NUBP1: variants seen among roughly 807,000 people sequenced by gnomAD.
NUBP1 encodes the protein cytosolic Fe-S cluster assembly factor NUBP1.
In NUBP1, 46 loss-of-function variants were observed where a neutral mutation model predicts 41.8. That is an observed-to-expected ratio of 1.10 (90% CI 0.87 to 1.41). The LOEUF is 1.41. Ranked by LOEUF, NUBP1 falls within the 40% of genes most tolerant of loss-of-function variation. The pLI, the probability that NUBP1 is intolerant of heterozygous loss-of-function variation, is 0.00. For synonymous variants in NUBP1, 189 were observed against 154.6 expected (o/e 1.22, Z -1.65); for missense variants, 494 against 414.0 (o/e 1.19, Z -1.68).
intron 3 of NUBP1, among the ~76,000 whole-genome samples, chr16:10,751,422 AGTGCTGGTCT>A (rs1334359282): frequency 1.3e-5 from 2 of 152,190 alleles, no homozygotes; most frequent in Non-Finnish European, 2.9e-5. Flanking sequence ...ACCTGAGGCC[AGTGCTGGTCT>A]GTGGATGGCG....
At chr16:10,755,887 G>C in intron 5 of NUBP1, 134 bp downstream of exon 5, 1 of 775,200 alleles carries the variant, frequency 1.3e-6, no homozygotes, top group Admixed American at 2.5e-5. Flanking sequence ...TAAAACCAGT[G>C]ATTGGCAGGC....
intron 5 of NUBP1, 84 bp from the exon 6 acceptor site, chr16:10,756,606 A>C: frequency 1.0e-6 from 1 of 971,836 alleles, no homozygotes; most frequent in South Asian, 1.9e-5. Context: ...TTTCAGTCAG[A>C]GCTCAAACAG....
At chr16:10,755,629 C>A in intron 4 of NUBP1, 92 bp from the exon 5 acceptor site, 2 of 1,313,172 alleles carry the variant, frequency 1.5e-6, no homozygotes, top group Non-Finnish European at 2.2e-6. Context: ...TTTAAAAAAC[C>A]ATCGTCTTAC....
chr16:10,755,729 G>C lies in NUBP1; in HGVS notation c.336G>C (p.Gln112His), dbSNP rs563910509. Residue 112 changes from glutamine (Q) to histidine (H), a missense_variant, in exon 5 of 11, where the codon CAG becomes CAC. Gln to His is a conservative substitution (Grantham distance 24). Coordinates refer to ENST00000283027, the MANE Select transcript of NUBP1 (RefSeq NM_002484.4). The stretch of plus-strand genomic sequence containing the variant: ...TGCTCATGTTCACACAGGTTCACCA[G>C]AGTGGCTCAGGCTGGTCTCCAGTGG... Reference protein sequence around the residue: ...IMGLEGEQVHQSGSGWSPVYV... With the variant: ...IMGLEGEQVHHSGSGWSPVYV... 2 of 1,614,206 alleles carry C rather than the reference G, an allele frequency of 1.2e-6. No individual in the cohort carries two copies. The highest frequency in any genetic ancestry group is 2.2e-5 in the East Asian group (1 of 44,892).
chr16:10,757,523 G>C lies in NUBP1; in HGVS notation c.452-350G>C, dbSNP rs1900639199. 6.6e-6 allele frequency among the ~76,000 whole-genome samples: 1 copy of C among 152,150 alleles called. No individual in the cohort carries two copies. Among genetic ancestry groups the C allele is most frequent in the Admixed American group, 6.5e-5 (1 of 15,280 alleles). ...GTTCTACACCATAGGGTGTTAAACA[G>C]TGTCCCTGGCCTTTACCCACAAGAT... On this transcript the variant is annotated intron_variant, in intron 6 of 10. Transcript: ENST00000283027. This position sits in a 1 kb window ranked among gnomAD's most constrained non-coding sequence, Gnocchi z 4.1.
At chr16:10,744,754 C>CT (rs200267003) in intron 2 of NUBP1, among the ~76,000 whole-genome samples, 1 of 151,630 alleles carries the variant, frequency 6.6e-6, no homozygotes, top group Non-Finnish European at 1.5e-5. Flanking sequence ...ATTTTTTTTT[C>CT]TTTTTTTTCC....
chr16:10,755,321 G>A (rs1047414818), intron 4 of NUBP1, among the ~76,000 whole-genome samples: 9 of 152,156 alleles, frequency 5.9e-5, no homozygotes, highest in Non-Finnish European at 7.4e-5. Context: ...CAGCTGTTTC[G>A]TGAGAGCTCA....
intron 7 of NUBP1, among the ~76,000 whole-genome samples, chr16:10,758,409 G>T (rs1181086877): frequency 6.6e-6 from 1 of 152,206 alleles, no homozygotes; most frequent in African/African-American, 2.4e-5. Flanking sequence ...GGGAAAGGAG[G>T]TTGCAGTGAG....
At chr16:10,753,415 G>C (rs1900413967) in intron 4 of NUBP1, among the ~76,000 whole-genome samples, 1 of 152,136 alleles carries the variant, frequency 6.6e-6, no homozygotes, top group African/African-American at 2.4e-5. Flanking sequence ...GCGGGTGAGC[G>C]ATGTGGGCTG....
intron 9 of NUBP1, among the ~76,000 whole-genome samples, chr16:10,764,679 G>A (rs572052560): frequency 6.6e-6 from 1 of 151,426 alleles, no homozygotes; most frequent in East Asian, 1.9e-4. Context: ...ATCTCAGTCT[G>A]CTGGAGTAGG....
intron 3 of NUBP1, among the ~76,000 whole-genome samples, chr16:10,747,722 A>G (rs182219590): frequency 6.6e-6 from 1 of 152,346 alleles, no homozygotes; most frequent in African/African-American, 2.4e-5. Context: ...CCCAGTAGTC[A>G]AATGAAGCAT....
Position 10,766,759 on chromosome 16 carries a change from A to G in NUBP1, c.821-1190A>G, listed in dbSNP as rs542852688. 3 of 396,192 alleles carry G rather than the reference A, an allele frequency of 7.6e-6. No homozygotes were observed. Among genetic ancestry groups the G allele is most frequent in the South Asian group, 2.9e-4 (2 of 6,990 alleles). The allele number at this position is 396,192 out of a possible 1,614,324, so 24.5% of individuals were successfully genotyped here. A position where few individuals can be genotyped will look rare whatever the true frequency, so the allele number is the denominator to read the frequency against. On this transcript the variant is annotated intron_variant, in intron 9 of 10. Transcript: ENST00000283027. This position sits in a 1 kb window ranked among gnomAD's most constrained non-coding sequence, Gnocchi z 4.8. The stretch of plus-strand genomic sequence containing the variant: ...GAACGGGCCTGAGAATAGGGGCTCA[A>G]AGGCCCCATTACAGAGTTTTTGTGT...
intron 9 of NUBP1, among the ~76,000 whole-genome samples, chr16:10,762,406 C>A (rs1302872446): frequency 6.6e-6 from 1 of 152,216 alleles, no homozygotes; most frequent in Non-Finnish European, 1.5e-5. Context: ...ATGCCCACTC[C>A]CTGAGTGGCC....
At position 10,766,669 on chromosome 16, in the gene NUBP1, C is replaced by T. The variant is rs2030924979; in HGVS notation, c.821-1280C>T. The T allele has an allele frequency of 3.2e-6, 1 of 310,924 alleles. No homozygotes were observed. The highest frequency in any genetic ancestry group is 1.6e-4 in the South Asian group (1 of 6,212). The allele number at this position is 310,924 out of a possible 1,614,324, so 19.3% of individuals were successfully genotyped here. On this transcript the variant is annotated intron_variant, in intron 9 of 10. Transcript: ENST00000283027. This position sits in a 1 kb window ranked among gnomAD's most constrained non-coding sequence, Gnocchi z 4.8. Reference sequence around the variant, plus strand: ...CTGGAACAAAAAATTGGACAAAACGCACAAAGAAAGGAAGGAAGGAAGGGA... The same window carrying T: ...CTGGAACAAAAAATTGGACAAAACGTACAAAGAAAGGAAGGAAGGAAGGGA...
Position 10,768,303 on chromosome 16 carries a change from A to C in NUBP1, c.904+271A>C. 4.6e-6 allele frequency: 1 copy of C among 218,336 alleles called. No individual in the cohort carries two copies. The highest frequency in any genetic ancestry group is 8.5e-6 in the Non-Finnish European group (1 of 116,976). 13.5% of individuals were successfully genotyped at this position (218,336 alleles called of 1,614,324 possible). Reference sequence around the variant, plus strand: ...ATAAAGTAATTCATTTTTAAAAGTAACTGATAAAAAAAAAAAAGGCCAGGT... The same window carrying C: ...ATAAAGTAATTCATTTTTAAAAGTACCTGATAAAAAAAAAAAAGGCCAGGT... On this transcript the variant is annotated intron_variant, in intron 10 of 10. Coordinates refer to ENST00000283027, the MANE Select transcript of NUBP1 (RefSeq NM_002484.4). The surrounding 1 kb of genome is among the most constrained non-coding windows in gnomAD (Gnocchi z 4.3).
Position 10,769,201 on chromosome 16 carries a change from C to T in NUBP1, c.*96C>T, listed in dbSNP as rs1175504018. On this transcript the variant is annotated 3_prime_UTR_variant, in exon 11 of 11. Transcript: ENST00000283027. Reference sequence around the variant, plus strand: ...CGACCAGCTCCGGGATGGGGTGGGTCACAGCAAAAGGACCAGATGCTGGTG... The same window carrying T: ...CGACCAGCTCCGGGATGGGGTGGGTTACAGCAAAAGGACCAGATGCTGGTG... The T allele has an allele frequency of 1.7e-5, 19 of 1,121,918 alleles. No homozygotes were observed. The highest frequency in any genetic ancestry group is 2.4e-5 in the Non-Finnish European group (18 of 747,460). 69.5% of individuals were successfully genotyped at this position (1,121,918 alleles called of 1,614,324 possible). A position where few individuals can be genotyped will look rare whatever the true frequency, so the allele number is the denominator to read the frequency against.
At position 10,766,804 on chromosome 16, in the gene NUBP1, G is replaced by A; in HGVS notation, c.821-1145G>A. ...TTGTGTTTAAATACCCTCTACTTGAGGTACGCCCTATATAAACGAAAAGGA... is the reference window on the plus strand; with the variant it reads ...TTGTGTTTAAATACCCTCTACTTGAAGTACGCCCTATATAAACGAAAAGGA... On this transcript the variant is annotated intron_variant, in intron 9 of 10. Transcript: ENST00000283027. This position sits in a 1 kb window ranked among gnomAD's most constrained non-coding sequence, Gnocchi z 4.8. 7.5e-6 allele frequency: 3 copies of A among 397,528 alleles called. No individual in the cohort carries two copies. The highest frequency in any genetic ancestry group is 8.9e-6 in the Non-Finnish European group (2 of 225,906). The allele number at this position is 397,528 out of a possible 1,614,324, so 24.6% of individuals were successfully genotyped here.
Position 10,761,801 on chromosome 16 carries a change from C to T in NUBP1, c.762C>T (p.Leu254=), listed in dbSNP as rs775929367. The change falls in exon 9 of 11, where the codon CTC becomes CTT. Residue 254 remains leucine, a synonymous_variant. Coordinates refer to ENST00000283027, the MANE Select transcript of NUBP1 (RefSeq NM_002484.4). ...IFPPTTGGAE[L]MCQDLEVPLL... ...CTCCCACAACCGGGGGCGCGGAGCT[C>T]ATGTGCCAGGACTTGGAGGTCCCTC... is the stretch of plus-strand genomic sequence containing the variant. The T allele has an allele frequency of 2.7e-5, 43 of 1,613,976 alleles. No individual in the cohort carries two copies. Among genetic ancestry groups the T allele is most frequent in the Non-Finnish European group, 3.6e-5 (42 of 1,179,998 alleles).
At position 10,757,832 on chromosome 16, in the gene NUBP1, G is replaced by T; in HGVS notation, c.452-41G>T. On this transcript the variant is annotated intron_variant, in intron 6 of 10. Transcript: ENST00000283027. The surrounding 1 kb of genome is among the most constrained non-coding windows in gnomAD (Gnocchi z 4.1). ...AAGAGGGAGTTGAAAGTACAGAAAA[G>T]AAAGGAAAAGTAAGCATCCCCTGTG... 2 of 1,595,016 alleles carry T rather than the reference G, an allele frequency of 1.3e-6. No individual in the cohort carries two copies. The highest frequency in any genetic ancestry group is 1.7e-6 in the Non-Finnish European group (2 of 1,165,892).
Sources: gnomAD v4.1 joint callset for allele counts (sites outside exome capture counted in the v4.1 genomes callset) on GRCh38, gnomAD v4.1.1 for gene constraint, Gnocchi (gnomAD v3.1) non-coding constraint, MANE v1.5 for transcripts, NCBI Gene and HGNC (gene_info 2026-07-23, HGNC 2026-07-21) for gene names.